VPS13B: variants seen among roughly 807,000 people sequenced by gnomAD.
VPS13B encodes the protein intermembrane lipid transfer protein VPS13B.
VPS13B carries 285 observed loss-of-function variants against 426.4 expected under a neutral mutation model. That is an observed-to-expected ratio of 0.67 (90% CI 0.61 to 0.74). VPS13B has a LOEUF of 0.74. Among genes scored for constraint, VPS13B ranks in the 30% least tolerant of loss-of-function variants. VPS13B has a pLI of 0.00. For missense variants in VPS13B, 4,537 were observed against 4,782.6 expected (o/e 0.95, Z 1.51); for synonymous variants, 1,676 against 1,676.4 (o/e 1.00, Z 0.01).
intron 40 of VPS13B, among the ~76,000 whole-genome samples, chr8:99,770,104 A>G (rs1811405866): frequency 6.6e-6 from 1 of 152,166 alleles, no homozygotes; most frequent in Non-Finnish European, 1.5e-5. Context: ...GGCTGCAGTG[A>G]GCCAAGATCA....
chr8:99,663,745 G>T (rs1414081886), intron 35 of VPS13B, among the ~76,000 whole-genome samples: 1 of 152,130 alleles, frequency 6.6e-6, no homozygotes, highest in Non-Finnish European at 1.5e-5. Flanking sequence ...GGGAAACTTG[G>T]ATTTACTTAT....
chr8:99,040,092 G>C (rs1212592278), intron 3 of VPS13B, among the ~76,000 whole-genome samples: 1 of 147,330 alleles, frequency 6.8e-6, no homozygotes, highest in Admixed American at 6.7e-5. Flanking sequence ...TATTAAAAGA[G>C]AAAAAAAAAA....
intron 16 of VPS13B, among the ~76,000 whole-genome samples, chr8:99,178,400 A>C (rs1812758120): frequency 6.6e-6 from 1 of 151,382 alleles, no homozygotes; most frequent in African/African-American, 2.4e-5. Context: ...AAAATTTCTA[A>C]TAATAGCATC....
chr8:99,643,034 G>A (rs1188207437), intron 34 of VPS13B, among the ~76,000 whole-genome samples: 1 of 152,150 alleles, frequency 6.6e-6, no homozygotes, highest in Non-Finnish European at 1.5e-5. Context: ...TGCTCTTGCT[G>A]CCCAACCCAT....
chr8:99,229,141 G>GA (rs918229240), intron 17 of VPS13B, among the ~76,000 whole-genome samples: 1 of 152,008 alleles, frequency 6.6e-6, no homozygotes, highest in Non-Finnish European at 1.5e-5. Context: ...CAACACCTGT[G>GA]AAAAAAAGGG....
intron 3 of VPS13B, among the ~76,000 whole-genome samples, chr8:99,087,937 A>T (rs934601406): frequency 6.6e-6 from 1 of 152,056 alleles, no homozygotes; most frequent in African/African-American, 2.4e-5. Context: ...TAAACCCAGC[A>T]CTTTGGGAGG....
At chr8:99,174,620 T>C (rs917009746) in intron 16 of VPS13B, among the ~76,000 whole-genome samples, 1 of 152,342 alleles carries the variant, frequency 6.6e-6, no homozygotes, top group Non-Finnish European at 1.5e-5. Context: ...AATTAGTTTT[T>C]TTCCTTGAGT....
rs188707517 is a variant in VPS13B, at chr8:99,543,202, G to A, written c.4746-13248G>A. Among the ~76,000 whole-genome samples, 32 of 152,224 alleles carry A rather than the reference G, an allele frequency of 2.1e-4. 2 individuals carry two copies. In the East Asian group the frequency reaches 6.2e-3, roughly 29 times the overall value. ...TCTTTGACAAACCTGAGAAAAACAAGCAATGGGGAAAGGATTCCCTATTTA... is the reference window on the plus strand; with the variant it reads ...TCTTTGACAAACCTGAGAAAAACAAACAATGGGGAAAGGATTCCCTATTTA... On this transcript the variant is annotated intron_variant, in intron 30 of 61. Coordinates refer to ENST00000357162, the MANE Select transcript of VPS13B (RefSeq NM_152564.5).
chr8:99,623,949 C>G (rs1327574396), intron 33 of VPS13B, among the ~76,000 whole-genome samples: 1 of 143,840 alleles, frequency 7.0e-6, no homozygotes, highest in Non-Finnish European at 1.5e-5. Flanking sequence ...CTCACATTTG[C>G]AAGGTTGTTA....
intron 3 of VPS13B, among the ~76,000 whole-genome samples, chr8:99,070,159 C>T (rs1844778891): frequency 6.6e-6 from 1 of 152,208 alleles, no homozygotes; most frequent in Non-Finnish European, 1.5e-5. Context: ...AGCAGTCCTC[C>T]TGCCTTAGCC....
chr8:99,616,033 A>G (rs971009116), intron 33 of VPS13B, among the ~76,000 whole-genome samples: 1 of 152,164 alleles, frequency 6.6e-6, no homozygotes, highest in African/African-American at 2.4e-5. Flanking sequence ...AATCTCCTCT[A>G]CAGATTCAGT....
At chr8:99,415,780 T>C (rs1393620433) in intron 21 of VPS13B, among the ~76,000 whole-genome samples, 2 of 152,168 alleles carry the variant, frequency 1.3e-5, no homozygotes, top group Non-Finnish European at 2.9e-5. Context: ...TGTTCCTTCC[T>C]CTGGAAGCTT....
chr8:99,257,868 A>G (rs1354665930), intron 17 of VPS13B, among the ~76,000 whole-genome samples: 1 of 151,218 alleles, frequency 6.6e-6, no homozygotes, highest in African/African-American at 2.4e-5. Context: ...CTGTCAGAAT[A>G]TGGGGTTTAC....
At chr8:99,163,295 T>C (rs894115650) in intron 15 of VPS13B, among the ~76,000 whole-genome samples, 1 of 152,198 alleles carries the variant, frequency 6.6e-6, no homozygotes, top group Non-Finnish European at 1.5e-5. Flanking sequence ...ATATAAAGAC[T>C]CTCCACATCC....
chr8:99,302,170 C>A (rs181480279), intron 19 of VPS13B, among the ~76,000 whole-genome samples: 5 of 152,200 alleles, frequency 3.3e-5, no homozygotes, highest in Admixed American at 6.5e-5. Flanking sequence ...CTGGCCCTTA[C>A]TTGACTCCTC....
At chr8:99,130,987 C>T (rs1028784961) in intron 8 of VPS13B, among the ~76,000 whole-genome samples, 3 of 151,984 alleles carry the variant, frequency 2.0e-5, no homozygotes, top group African/African-American at 7.3e-5. Flanking sequence ...TTCATTAGGC[C>T]TAAGTTAAAT....
chr8:99,122,779 CAT>C (rs1047951795), intron 8 of VPS13B, among the ~76,000 whole-genome samples: 2 of 151,946 alleles, frequency 1.3e-5, no homozygotes. Flanking sequence ...AAACAAATAA[CAT>C]ATATATTGTG....
intron 39 of VPS13B, among the ~76,000 whole-genome samples, chr8:99,725,040 C>G (rs1833283284): frequency 6.6e-6 from 1 of 152,166 alleles, no homozygotes; most frequent in Non-Finnish European, 1.5e-5. Flanking sequence ...AGCTGAATTC[C>G]TCCCCACACT....
At chr8:99,016,586 C>CTTT (rs754060289) in intron 2 of VPS13B, among the ~76,000 whole-genome samples, 298 of 60,732 alleles carry the variant, frequency 4.9e-3, no homozygotes, top group Non-Finnish European at 6.0e-3. Context: ...TATAGGAATT[C>CTTT]TTTTTTTTTT....
Sources: allele counts gnomAD v4.1 joint callset (sites outside exome capture counted in the v4.1 genomes callset), GRCh38; gene constraint gnomAD v4.1.1; transcripts MANE v1.5; gene names NCBI Gene and HGNC (gene_info 2026-07-23, HGNC 2026-07-21).